Variants in PHF21B observed in about 807,000 individuals in gnomAD.
PHF21B encodes PHD finger protein 4.
A neutral mutation model predicts 62.2 loss-of-function variants in PHF21B; 22 were observed. The ratio of observed to expected loss-of-function variants is 0.35; its 90% confidence interval spans 0.25 to 0.51. The LOEUF is 0.51. Among genes scored for constraint, PHF21B ranks in the 20% least tolerant of loss-of-function variants. The pLI, the probability that PHF21B is intolerant of heterozygous loss-of-function variation, is 0.97. For synonymous variants in PHF21B, 341 were observed against 314.7 expected, an observed-to-expected ratio of 1.08 and a Z score of -0.88; for missense variants, 701 against 707.9, an observed-to-expected ratio of 0.99 and a Z score of 0.11.
At chr22:44,981,075 T>C (rs887992177) in intron 2 of PHF21B, among the ~76,000 whole-genome samples, 3 of 152,136 alleles carry the variant, frequency 2.0e-5, no homozygotes, top group Non-Finnish European at 4.4e-5. Context: ...AGACTTAGGG[T>C]AGGGCGTGGG....
Position 45,009,452 on chromosome 22 carries a change from C to A in PHF21B, c.54+44G>T. On this transcript the variant is annotated intron_variant, in intron 1 of 12. Transcript: ENST00000313237. This position sits in a 1 kb window ranked among gnomAD's most constrained non-coding sequence, Gnocchi z 5.9. Reference sequence around the variant, plus strand: ...CTCGGGTCCCCCGACCCCCTCACCCCGCAACACACTCCCCGGCCCCGGGCC... The same window carrying A: ...CTCGGGTCCCCCGACCCCCTCACCCAGCAACACACTCCCCGGCCCCGGGCC... The A allele has an allele frequency of 6.6e-7, 1 of 1,514,732 alleles. No individual in the cohort carries two copies. The allele number at this position is 1,514,732 out of a possible 1,614,324, so 93.8% of individuals were successfully genotyped here.
rs920761839 is a variant in PHF21B at position 44,994,267 on chromosome 22, A to T, written c.120+14278T>A. On this transcript the variant is annotated intron_variant, in intron 2 of 12. Transcript: ENST00000313237. ...AGGGTCATTACAGATGTAATTAGTTAGCTGAGGTCATTGTGCCTTAGGGTG... is the reference window on the plus strand; with the variant it reads ...AGGGTCATTACAGATGTAATTAGTTTGCTGAGGTCATTGTGCCTTAGGGTG... Among the ~76,000 whole-genome samples, 9 of 152,378 alleles carry T rather than the reference A, an allele frequency of 5.9e-5. 1 individual carries two copies.
intron 2 of PHF21B, among the ~76,000 whole-genome samples, chr22:44,961,836 C>T (rs1401597135): frequency 6.7e-6 from 1 of 149,112 alleles, no homozygotes; most frequent in Non-Finnish European, 1.5e-5. Context: ...CAGAGCGAGA[C>T]TCTGTCTCAA....
chr22:44,984,140 CCAT>C (rs1223465872), intron 2 of PHF21B, among the ~76,000 whole-genome samples: 4 of 1,200 alleles, frequency 3.3e-3, no homozygotes, highest in Non-Finnish European at 4.5e-3. Context: ...ATCATGATCA[CCAT>C]CATCATCACC....
At chr22:44,920,530 A>G in intron 2 of PHF21B, 40 bp from the exon 3 acceptor site, 1 of 1,522,808 alleles carries the variant, frequency 6.6e-7, no homozygotes, top group Non-Finnish European at 9.0e-7. Context: ...CAGGAGGAGC[A>G]GCTGAGACCG....
intron 2 of PHF21B, among the ~76,000 whole-genome samples, chr22:44,934,666 G>A (rs986078873): frequency 3.9e-5 from 6 of 152,280 alleles, no homozygotes; most frequent in East Asian, 1.9e-4. Context: ...GTAACATCAC[G>A]TGGGCCCATA....
At chr22:44,972,489 C>T (rs1358218829) in intron 2 of PHF21B, among the ~76,000 whole-genome samples, 2 of 152,312 alleles carry the variant, frequency 1.3e-5, no homozygotes, top group Middle Eastern at 3.4e-3. Context: ...GACGCGGCTG[C>T]TCAGTGCAAT....
intron 5 of PHF21B, among the ~76,000 whole-genome samples, chr22:44,910,720 T>C (rs767621759): frequency 8.5e-5 from 13 of 152,230 alleles, no homozygotes; most frequent in Non-Finnish European, 1.9e-4. Flanking sequence ...CCTTTGTAAA[T>C]TGTCCTGTCT....
intron 2 of PHF21B, among the ~76,000 whole-genome samples, chr22:44,962,260 G>T (rs1018497231): frequency 2.0e-5 from 3 of 152,050 alleles, no homozygotes; most frequent in Admixed American, 6.6e-5. Flanking sequence ...TTTCTCTGCA[G>T]CCTCACATAA....
At position 44,882,307 on chromosome 22, in the gene PHF21B, A is replaced by G. The variant is rs730773; in HGVS notation, c.*779T>C. The G allele has an allele frequency of 6.6e-6, 1 of 152,450 alleles. No homozygotes were observed. Among genetic ancestry groups the G allele is most frequent in the Non-Finnish European group, 1.5e-5 (1 of 68,050 alleles). 9.4% of individuals were successfully genotyped at this position (152,450 alleles called of 1,614,324 possible). On this transcript the variant is annotated 3_prime_UTR_variant, in exon 13 of 13. Coordinates refer to ENST00000313237, the MANE Select transcript of PHF21B (RefSeq NM_138415.5). ...CCCAGAAACTCCATGAGAAAAACGC[A>G]TCAACGGCAAACTGAGTCCAAGAGA...
intron 5 of PHF21B, among the ~76,000 whole-genome samples, chr22:44,898,765 G>T (rs2071104658): frequency 1.3e-5 from 2 of 152,150 alleles, no homozygotes; most frequent in South Asian, 4.1e-4. Flanking sequence ...AGTCTCTATA[G>T]TTTCACTTTT....
At chr22:44,986,455 G>C (rs758445115) in intron 2 of PHF21B, among the ~76,000 whole-genome samples, 2 of 148,774 alleles carry the variant, frequency 1.3e-5, no homozygotes, top group Non-Finnish European at 3.0e-5. Context: ...GCATCCAGAG[G>C]TCCTTTCTTG....
In PHF21B at chr22:45,009,101, T is replaced by G; in HGVS notation, c.54+395A>C. The G allele has an allele frequency of 2.1e-6, 2 of 957,614 alleles. No individual in the cohort carries two copies. The highest frequency in any genetic ancestry group is 4.6e-5 in the South Asian group (1 of 21,912). 59.3% of individuals were successfully genotyped at this position (957,614 alleles called of 1,614,324 possible). A position where few individuals can be genotyped will look rare whatever the true frequency, so the allele number is the denominator to read the frequency against. ...GCCAGCAGCGATCGCCAAAACTACT[T>G]CTGCACACCGGGCAGGTTCGCCCGG... is the stretch of plus-strand genomic sequence containing the variant. On this transcript the variant is annotated intron_variant, in intron 1 of 12. Coordinates refer to ENST00000313237, the MANE Select transcript of PHF21B (RefSeq NM_138415.5). The surrounding 1 kb of genome is among the most constrained non-coding windows in gnomAD (Gnocchi z 5.9).
rs1601595548 is a variant in PHF21B, at chr22:44,916,360, C to T, written c.484G>A (p.Ala162Thr). ...IISTSPSNAA[A>T]MAPSTAVSVV... ...GACACGGCGGTGCTGGGGGCCATGG[C>T]GGCGGCATTGCTGGGGGAGGTGGAG... is the stretch of plus-strand genomic sequence containing the variant. The change falls in exon 4 of 13, where the codon GCC (alanine) becomes ACC (threonine). Residue 162 changes from alanine to threonine, a missense_variant. Coordinates refer to ENST00000313237, the MANE Select transcript of PHF21B (RefSeq NM_138415.5). 12 of 1,595,166 alleles carry T rather than the reference C, an allele frequency of 7.5e-6. No individual in the cohort carries two copies. Among genetic ancestry groups the T allele is most frequent in the Non-Finnish European group, 9.4e-6 (11 of 1,176,172 alleles).
At chr22:44,965,981 CGGGCCTGCTCATCCACT>C (rs2147433297) in intron 2 of PHF21B, among the ~76,000 whole-genome samples, 1 of 152,350 alleles carries the variant, frequency 6.6e-6, no homozygotes, top group African/African-American at 2.4e-5. Flanking sequence ...CCGGCTCCCA[CGGGCCTGCTCATCCACT>C]GGGCACCCAA....
In PHF21B at chr22:44,883,101, G is replaced by A. The variant is rs982025168; in HGVS notation, c.1581C>T (p.Pro527=). ...VAATHPTVQH[P]QGHN ...TCCCTCGGGGTCAGTTGTGGCCCTG[G>A]GGGTGCTGGACGGTGGGGTGTGTGG... Residue 527 remains proline (P), a synonymous_variant, in exon 13 of 13, where the codon CCC becomes CCT. Transcript: ENST00000313237. 6.2e-6 allele frequency: 10 copies of A among 1,611,286 alleles called. No homozygotes were observed. Among genetic ancestry groups the A allele is most frequent in the Non-Finnish European group, 7.6e-6 (9 of 1,179,584 alleles).
chr22:44,951,426 C>A (rs1359180921), intron 2 of PHF21B, among the ~76,000 whole-genome samples: 1 of 152,210 alleles, frequency 6.6e-6, no homozygotes, highest in Non-Finnish European at 1.5e-5. Context: ...AAGCTTTGCT[C>A]ACTCACCCAC....
Position 44,920,437 on chromosome 22 carries a change from C to T in PHF21B, c.174G>A (p.Leu58=). The T allele has an allele frequency of 6.2e-7, 1 of 1,613,026 alleles. No individual in the cohort carries two copies. The highest frequency in any genetic ancestry group is 8.5e-7 in the Non-Finnish European group (1 of 1,179,476). ...VPVTGPQVSS[L]QRLAGQGAAV... is the part of the protein sequence containing the mutation. ...CCGCTCCTTGCCCGGCCAACCTCTG[C>T]AAGGAGCTGACCTGAGGACCCGTGA... Residue 58 remains leucine, a synonymous_variant, in exon 3 of 13, where the codon TTG becomes TTA. Coordinates refer to ENST00000313237, the MANE Select transcript of PHF21B (RefSeq NM_138415.5).
Position 45,009,563 on chromosome 22 carries a change from G to A in PHF21B, c.-14C>T. 11 of 1,566,058 alleles carry A rather than the reference G, an allele frequency of 7.0e-6. No individual in the cohort carries two copies. Among genetic ancestry groups the A allele is most frequent in the Admixed American group, 1.8e-5 (1 of 55,858 alleles). The stretch of plus-strand genomic sequence containing the variant: ...CTGCAGCTCCATCCCGGCAACTTGG[G>A]CAGCACTTTGCGCTCACTTTGGCCC... On this transcript the variant is annotated 5_prime_UTR_variant, in exon 1 of 13. Coordinates refer to ENST00000313237, the MANE Select transcript of PHF21B (RefSeq NM_138415.5). The surrounding 1 kb of genome is among the most constrained non-coding windows in gnomAD (Gnocchi z 5.9).
Sources: gnomAD v4.1 joint callset for allele counts (sites outside exome capture counted in the v4.1 genomes callset) on GRCh38, gnomAD v4.1.1 for gene constraint, Gnocchi (gnomAD v3.1) non-coding constraint, MANE v1.5 for transcripts, NCBI Gene and HGNC (gene_info 2026-07-23, HGNC 2026-07-21) for gene names.